Variants in CLPX observed in about 807,000 individuals in gnomAD.
CLPX encodes caseinolytic mitochondrial matrix peptidase chaperone subunit X.
Under a neutral mutation model 76.4 loss-of-function variants are expected in CLPX, and 34 were observed. The ratio of observed to expected loss-of-function variants is 0.45; its 90% CI spans 0.34 to 0.59. The LOEUF is 0.59. Ranked by LOEUF, CLPX falls within the 20% of genes least tolerant of loss-of-function variation. The probability of loss-of-function intolerance (pLI) is 0.01; values close to 1 mark genes in which losing one functional copy is unlikely to be tolerated. For missense variants in CLPX, 613 were observed against 757.0 expected (o/e 0.81, Z 2.23); for synonymous variants, 248 against 270.9 (o/e 0.92, Z 0.83).
In CLPX at chr15:65,185,289, C is replaced by A; in HGVS notation, c.-136G>T. 1.5e-6 allele frequency: 1 copy of A among 669,270 alleles called. No individual in the cohort carries two copies. 41.5% of individuals were successfully genotyped at this position (669,270 alleles called of 1,614,324 possible). On this transcript the variant is annotated 5_prime_UTR_variant, in exon 1 of 14. Coordinates refer to ENST00000300107, the MANE Select transcript of CLPX (RefSeq NM_006660.5). ...TAGACCCCGTGGAGAGTTCACCTGC[C>A]CGGCAGCCAGGCCTTCACGCTTCTC...
At chr15:65,174,195 G>T (rs1278876524) in intron 3 of CLPX, among the ~76,000 whole-genome samples, 1 of 151,874 alleles carries the variant, frequency 6.6e-6, no homozygotes, top group African/African-American at 2.4e-5. Context: ...GGATGGTCTC[G>T]ATCTCCTGAC....
intron 13 of CLPX, among the ~76,000 whole-genome samples, 183 bp from the exon 14 acceptor site, chr15:65,151,096 G>A (rs2087713153): frequency 6.6e-6 from 1 of 152,042 alleles, no homozygotes; most frequent in South Asian, 2.1e-4. Context: ...TGTAATCCCA[G>A]CATTTTGGAA....
intron 3 of CLPX, among the ~76,000 whole-genome samples, chr15:65,174,496 C>A (rs940704168): frequency 1.3e-5 from 2 of 152,032 alleles, no homozygotes; most frequent in South Asian, 2.1e-4. Context: ...AACTCCTGAC[C>A]TCATGATCTG....
chr15:65,155,225 C>T (rs2140613778), intron 10 of CLPX, 144 bp from the exon 11 acceptor site: 2 of 833,850 alleles, frequency 2.4e-6, no homozygotes, highest in Middle Eastern at 3.2e-4. Context: ...AGGAAAAAAA[C>T]AGGCTTAGAG....
At chr15:65,184,695 A>G (rs1435656912) in intron 1 of CLPX, among the ~76,000 whole-genome samples, 10 of 152,324 alleles carry the variant, frequency 6.6e-5, no homozygotes, top group Admixed American at 6.5e-4. Context: ...AGGCTGCGGA[A>G]GAAGAGCCGC....
chr15:65,181,676 G>A lies in CLPX; in HGVS notation c.80-1472C>T, dbSNP rs73477343. Among the ~76,000 whole-genome samples the A allele has an allele frequency of 6.5e-3, 981 of 151,902 alleles. 6 individuals carry two copies. The highest frequency in any genetic ancestry group is 0.022 in the African/African-American group (927 of 41,406). ...GCTGAGGCAGGGGAATCACTTGAAC[G>A]AGGCAGAGGTTGCAGTGAGCCGAGA... is the stretch of plus-strand genomic sequence containing the variant. On this transcript the variant is annotated intron_variant, in intron 1 of 13. Coordinates refer to ENST00000300107, the MANE Select transcript of CLPX (RefSeq NM_006660.5).
At chr15:65,159,218 A>G (rs2087824827) in intron 6 of CLPX, among the ~76,000 whole-genome samples, 1 of 152,180 alleles carries the variant, frequency 6.6e-6, no homozygotes, top group African/African-American at 2.4e-5. Context: ...CTAAATCTCT[A>G]ATTTTATTGG....
At chr15:65,177,398 A>C (rs1452547981) in intron 3 of CLPX, among the ~76,000 whole-genome samples, 1 of 152,116 alleles carries the variant, frequency 6.6e-6, no homozygotes, top group African/African-American at 2.4e-5. Flanking sequence ...GATCCAAATT[A>C]AATTTTGTTC....
chr15:65,174,997 C>T (rs558552327), intron 3 of CLPX, among the ~76,000 whole-genome samples: 1 of 152,252 alleles, frequency 6.6e-6, no homozygotes, highest in African/African-American at 2.4e-5. Context: ...TGTTATAGAA[C>T]TTTATAGCTT....
rs1462047773 is a variant in CLPX, at chr15:65,173,080, G to GA, written c.358+5853dup. Among the ~76,000 whole-genome samples the GA allele has an allele frequency of 2.0e-5, 3 of 151,750 alleles. No homozygotes were observed. The East Asian group carries it at 5.8e-4, about 30-fold the overall frequency. On this transcript the variant is annotated intron_variant, in intron 3 of 13. Coordinates refer to ENST00000300107, the MANE Select transcript of CLPX (RefSeq NM_006660.5). Reference sequence around the variant, plus strand: ...CCACTTCATATCCACTATGAATAAAGAAAGACAGGCTGGGCGCAGTGGCTC... The same window carrying GA: ...CCACTTCATATCCACTATGAATAAAGAAAAGACAGGCTGGGCGCAGTGGCTC...
At chr15:65,156,982 G>T in intron 8 of CLPX, 50 bp from the exon 9 acceptor site, 1 of 1,226,054 alleles carries the variant, frequency 8.2e-7, no homozygotes, top group Non-Finnish European at 1.2e-6. Context: ...ATATACACAA[G>T]ATAGCCTCAG....
chr15:65,178,981 C>G lies in CLPX; in HGVS notation c.311G>C (p.Arg104Pro). ...GCACAAGTCGCCACATTTAGGACAG[C>G]GCAGCTGGTTTCCACCTTTCCCAGA... ...GNSGKGGNQL[R>P]CPKCGDLCTH... The change falls in exon 3 of 14, where the codon CGC (arginine) becomes CCC (proline). Residue 104 changes from arginine (R) to proline (P), a missense_variant. Transcript: ENST00000300107. 6.2e-7 allele frequency: 1 copy of G among 1,611,878 alleles called. No homozygotes were observed.
Position 65,148,946 on chromosome 15 carries a change from T to C in CLPX, c.*1877A>G, listed in dbSNP as rs2087684932. 1 of 152,236 alleles carries C rather than the reference T, an allele frequency of 6.6e-6. No individual in the cohort carries two copies. Among genetic ancestry groups the C allele is most frequent in the Admixed American group, 6.5e-5 (1 of 15,282 alleles). The allele number at this position is 152,236 out of a possible 1,614,324, so 9.4% of individuals were successfully genotyped here. A position where few individuals can be genotyped will look rare whatever the true frequency, so the allele number is the denominator to read the frequency against. ...ACCACTTTTTAGCTTTGCTGTATAA[T>C]GAAGGTTAGTAACTTATATGTTAGT... On this transcript the variant is annotated 3_prime_UTR_variant, in exon 14 of 14. Transcript: ENST00000300107.
chr15:65,179,360 T>A (rs919754011), intron 2 of CLPX, among the ~76,000 whole-genome samples: 11 of 152,198 alleles, frequency 7.2e-5, no homozygotes, highest in Admixed American at 2.6e-4. Context: ...AAAAACTACA[T>A]TTCAATGAAA....
At chr15:65,169,820 A>G (rs1425359743) in intron 3 of CLPX, among the ~76,000 whole-genome samples, 1 of 151,556 alleles carries the variant, frequency 6.6e-6, no homozygotes, top group Non-Finnish European at 1.5e-5. Context: ...CAATGGTGCA[A>G]TCTCGGCTTA....
intron 1 of CLPX, 142 bp downstream of exon 1, chr15:65,184,933 T>G (rs2088234652): frequency 1.4e-6 from 1 of 697,360 alleles, no homozygotes; most frequent in Non-Finnish European, 2.5e-6. Flanking sequence ...GGGAAAGTGG[T>G]GGGTGCCGGG....
intron 3 of CLPX, among the ~76,000 whole-genome samples, chr15:65,168,118 G>A (rs1480126825): frequency 6.6e-6 from 1 of 151,594 alleles, no homozygotes. Context: ...GGCCAGGCAT[G>A]GTGGCTCAGG....
At chr15:65,158,093 T>G (rs1394656817) in intron 7 of CLPX, 183 bp from the exon 8 acceptor site, 1 of 510,420 alleles carries the variant, frequency 2.0e-6, no homozygotes, top group Non-Finnish European at 3.4e-6. Flanking sequence ...GAGTGCAGCC[T>G]GTGATCATGG....
At chr15:65,178,865 T>TTAGTAATTTACAGAA in intron 3 of CLPX, 69 bp downstream of exon 3, 1 of 862,418 alleles carries the variant, frequency 1.2e-6, no homozygotes, top group African/African-American at 1.7e-5. Flanking sequence ...ATAATTTACA[T>TTAGTAATTTACAGAA]ATTTTTATAC....
Sources: gnomAD v4.1 joint callset for allele counts (sites outside exome capture counted in the v4.1 genomes callset) on GRCh38, gnomAD v4.1.1 for gene constraint, MANE v1.5 for transcripts, NCBI Gene and HGNC (gene_info 2026-07-23, HGNC 2026-07-21) for gene names.